Variants in SCN2A observed in about 807,000 individuals in gnomAD.
SCN2A encodes sodium channel protein type 2 subunit alpha.
SCN2A carries 20 observed loss-of-function variants against 188.7 expected under a neutral mutation model. The observed-to-expected ratio is 0.11, with a 90% confidence interval of 0.07 to 0.15. SCN2A has a LOEUF of 0.15. Among genes scored for constraint, SCN2A ranks in the 10% least tolerant of loss-of-function variants. The probability of loss-of-function intolerance (pLI) is 1.00; values close to 1 mark genes in which losing one functional copy is unlikely to be tolerated. For synonymous variants in SCN2A, 804 were observed against 833.1 expected (o/e 0.97, Z 0.60); for missense variants, 1,278 against 2,445.0 (o/e 0.52, Z 10.07).
chr2:165,263,189 G>T (rs1033191783), intron 1 of SCN2A, among the ~76,000 whole-genome samples: 2 of 152,030 alleles, frequency 1.3e-5, no homozygotes, highest in African/African-American at 4.8e-5. Flanking sequence ...CCACTCTGTG[G>T]GTTGTCTGTT....
intron 1 of SCN2A, among the ~76,000 whole-genome samples, chr2:165,292,574 G>A (rs1165102767): frequency 1.3e-5 from 2 of 152,098 alleles, no homozygotes. Flanking sequence ...GTGAGAAGAT[G>A]TGGTATTTTG....
intron 1 of SCN2A, among the ~76,000 whole-genome samples, chr2:165,257,289 T>C (rs1316697034): frequency 6.6e-6 from 1 of 152,152 alleles, no homozygotes; most frequent in Non-Finnish European, 1.5e-5. Context: ...GGAATTCAGG[T>C]ATAATTGTGG....
intron 1 of SCN2A, among the ~76,000 whole-genome samples, chr2:165,277,380 C>T (rs1695394815): frequency 6.6e-6 from 1 of 151,956 alleles, no homozygotes; most frequent in Admixed American, 6.6e-5. Flanking sequence ...GAATCAGCTC[C>T]AAACCAAAAG....
chr2:165,380,452 A>G lies in SCN2A; in HGVS notation c.4309-140A>G, dbSNP rs535640102. 1.3e-4 allele frequency: 83 copies of G among 625,252 alleles called. No homozygotes were observed. In the African/African-American group the frequency reaches 1.4e-3, roughly 11 times the overall value. The allele number at this position is 625,252 out of a possible 1,614,324, so 38.7% of individuals were successfully genotyped here. A position where few individuals can be genotyped will look rare whatever the true frequency, so the allele number is the denominator to read the frequency against. ...CTCTTCAATAAGCATGTGAGATTTG[A>G]AGGTTCATAAAATCTGTTTAGTGTT... On this transcript the variant is annotated intron_variant, in intron 23 of 26. Transcript: ENST00000375437.
At chr2:165,311,612 G>A (rs1697432577) in intron 7 of SCN2A, among the ~76,000 whole-genome samples, 1 of 151,946 alleles carries the variant, frequency 6.6e-6, no homozygotes, top group African/African-American at 2.4e-5. Context: ...TTTGAGCCTG[G>A]GGAGAAAAGT....
intron 3 of SCN2A, among the ~76,000 whole-genome samples, chr2:165,298,446 TC>T (rs1337949603): frequency 2.0e-5 from 3 of 152,208 alleles, no homozygotes; most frequent in Non-Finnish European, 4.4e-5. Context: ...CTGTAAAGTC[TC>T]CTTTTAACCT....
chr2:165,364,516 T>G (rs1700625303), intron 17 of SCN2A, among the ~76,000 whole-genome samples: 1 of 152,194 alleles, frequency 6.6e-6, no homozygotes, highest in Admixed American at 6.5e-5. Context: ...AGTTTCCAAA[T>G]GCACAATGAA....
At chr2:165,282,144 G>T (rs985623130) in intron 1 of SCN2A, among the ~76,000 whole-genome samples, 10 of 152,194 alleles carry the variant, frequency 6.6e-5, no homozygotes, top group Non-Finnish European at 1.2e-4. Flanking sequence ...TTGCAGTTAG[G>T]AATGCACCTC....
chr2:165,351,436 G>A (rs1699912013), intron 16 of SCN2A, among the ~76,000 whole-genome samples: 1 of 152,130 alleles, frequency 6.6e-6, no homozygotes, highest in Non-Finnish European at 1.5e-5. Context: ...AAAATTAATA[G>A]TAAACCCTAT....
chr2:165,369,176 G>A (rs1700893428), intron 19 of SCN2A, among the ~76,000 whole-genome samples: 2 of 152,110 alleles, frequency 1.3e-5, no homozygotes, highest in African/African-American at 4.8e-5. Flanking sequence ...AGATCTGCCC[G>A]TCTTGGCCTC....
At chr2:165,265,493 A>ATG (rs1215416119) in intron 1 of SCN2A, among the ~76,000 whole-genome samples, 9 of 120,346 alleles carry the variant, frequency 7.5e-5, no homozygotes, top group African/African-American at 2.5e-4. Flanking sequence ...ATATATATAT[A>ATG]TATATATATA....
intron 1 of SCN2A, among the ~76,000 whole-genome samples, chr2:165,265,515 A>ATATATAT (rs1188795670): frequency 8.7e-6 from 1 of 115,470 alleles, no homozygotes; most frequent in East Asian, 2.8e-4. Flanking sequence ...ATATATATAT[A>ATATATAT]TTGCTGTGCA....
chr2:165,286,483 A>G (rs1321766408), intron 1 of SCN2A, among the ~76,000 whole-genome samples: 1 of 152,218 alleles, frequency 6.6e-6, no homozygotes, highest in African/African-American at 2.4e-5. Context: ...TCCATATTCA[A>G]AATATCAAAT....
intron 3 of SCN2A, among the ~76,000 whole-genome samples, chr2:165,301,721 A>T (rs1351780707): frequency 6.6e-6 from 1 of 152,152 alleles, no homozygotes; most frequent in Non-Finnish European, 1.5e-5. Context: ...GCAAAAAGGA[A>T]ACTCTCATAT....
At position 165,310,426 on chromosome 2, in the gene SCN2A, G is replaced by A; in HGVS notation, c.801G>A (p.Leu267=). The A allele has an allele frequency of 6.2e-7, 1 of 1,613,664 alleles. No homozygotes were observed. The highest frequency in any genetic ancestry group is 1.1e-5 in the South Asian group (1 of 91,068). Residue 267 remains leucine, a synonymous_variant, in exon 7 of 27, where the codon TTG becomes TTA. Coordinates refer to ENST00000375437, the MANE Select transcript of SCN2A (RefSeq NM_001040142.2). ...FCLSVFALIG[L]QLFMGNLRNK... ...TAAGCGTGTTTGCGCTAATAGGATT[G>A]CAGTTGTTCATGGGCAACCTACGAA...
intron 20 of SCN2A, chr2:165,371,972 C>T (rs1206671246): frequency 3.3e-5 from 5 of 152,194 alleles, no homozygotes; most frequent in African/African-American, 7.2e-5. Context: ...TATTTTACAA[C>T]TTCTTTTCAG....
chr2:165,256,068 C>T (rs921048003), intron 1 of SCN2A, among the ~76,000 whole-genome samples: 3 of 136,012 alleles, frequency 2.2e-5, no homozygotes, highest in Non-Finnish European at 1.5e-5. Context: ...TGCAGTGGCG[C>T]AGTCTCGGCT....
chr2:165,384,930 G>A (rs1701794344), intron 25 of SCN2A, among the ~76,000 whole-genome samples: 1 of 152,102 alleles, frequency 6.6e-6, no homozygotes, highest in South Asian at 2.1e-4. Context: ...GTAAGGGGAA[G>A]ATGCCAGACT....
At chr2:165,265,720 A>G (rs1479911807) in intron 1 of SCN2A, among the ~76,000 whole-genome samples, 1 of 150,838 alleles carries the variant, frequency 6.6e-6, no homozygotes, top group Admixed American at 6.6e-5. Flanking sequence ...TTCTTTCTTA[A>G]TAGTATTTTC....
Sources: allele counts gnomAD v4.1 joint callset (sites outside exome capture counted in the v4.1 genomes callset), GRCh38; gene constraint gnomAD v4.1.1; transcripts MANE v1.5; gene names NCBI Gene and HGNC (gene_info 2026-07-23, HGNC 2026-07-21).